REEP3: variants seen among roughly 807,000 people sequenced by gnomAD.
The protein encoded by REEP3 is receptor accessory protein 3.
A neutral mutation model predicts 41.3 loss-of-function variants in REEP3; 20 were observed. The ratio of observed to expected loss-of-function variants is 0.48; its 90% CI spans 0.34 to 0.70. REEP3 has a LOEUF of 0.70. REEP3 is among the 30% of genes least tolerant of loss of function. The pLI is 0.01. For missense variants in REEP3, 271 were observed against 308.8 expected (o/e 0.88, Z 0.92); for synonymous variants, 104 against 101.8 (o/e 1.02, Z -0.13).
At chr10:63,544,803 A>C (rs1447711697) in intron 1 of REEP3, among the ~76,000 whole-genome samples, 2 of 152,242 alleles carry the variant, frequency 1.3e-5, no homozygotes. Flanking sequence ...TTTTAAAGTA[A>C]CATTTGGTAA....
At chr10:63,575,772 T>C (rs1452191954) in intron 2 of REEP3, among the ~76,000 whole-genome samples, 1 of 152,214 alleles carries the variant, frequency 6.6e-6, no homozygotes, top group African/African-American at 2.4e-5. Flanking sequence ...TTGCTCTTGC[T>C]GCCCAGGCTG....
chr10:63,556,670 C>G (rs1424660691), intron 1 of REEP3, among the ~76,000 whole-genome samples: 1 of 109,864 alleles, frequency 9.1e-6, no homozygotes, highest in African/African-American at 3.6e-5. Flanking sequence ...GAGTCTCGCT[C>G]TGTCGCCCAG....
intron 1 of REEP3, among the ~76,000 whole-genome samples, chr10:63,536,204 C>T (rs1157927569): frequency 6.6e-6 from 1 of 152,194 alleles, no homozygotes; most frequent in Non-Finnish European, 1.5e-5. Context: ...GGCAGTTGAG[C>T]TCCGGACATA....
chr10:63,527,555 C>A (rs1955377503), intron 1 of REEP3, among the ~76,000 whole-genome samples: 1 of 151,782 alleles, frequency 6.6e-6, no homozygotes, highest in South Asian at 2.1e-4. Context: ...GTGGTACATG[C>A]CTGTAATCCC....
At chr10:63,529,669 T>C (rs1460725061) in intron 1 of REEP3, among the ~76,000 whole-genome samples, 1 of 152,102 alleles carries the variant, frequency 6.6e-6, no homozygotes, top group Non-Finnish European at 1.5e-5. Context: ...GGTCTTGCCA[T>C]ATTGCCCAGG....
At chr10:63,581,636 A>G (rs1232901382) in intron 2 of REEP3, among the ~76,000 whole-genome samples, 1 of 151,840 alleles carries the variant, frequency 6.6e-6, no homozygotes, top group Non-Finnish European at 1.5e-5. Context: ...CCAGCTACTC[A>G]GGAGGCTGAG....
At chr10:63,522,158 C>T (rs1355846315) in intron 1 of REEP3, among the ~76,000 whole-genome samples, 1 of 152,082 alleles carries the variant, frequency 6.6e-6, no homozygotes, top group African/African-American at 2.4e-5. Context: ...CCGGAGACCG[C>T]TCCCAGCCCA....
intron 1 of REEP3, among the ~76,000 whole-genome samples, chr10:63,539,465 A>G (rs1205828676): frequency 6.6e-6 from 1 of 152,160 alleles, no homozygotes; most frequent in Non-Finnish European, 1.5e-5. Flanking sequence ...TGGTTGATAG[A>G]CCATATATTT....
At chr10:63,593,408 A>T (rs2893927) in intron 2 of REEP3, among the ~76,000 whole-genome samples, 6 of 152,224 alleles carry the variant, frequency 3.9e-5, no homozygotes, top group African/African-American at 1.2e-4. Context: ...CAACCTGGAC[A>T]GAAATCCTAC....
chr10:63,522,229 C>G (rs1035239372), intron 1 of REEP3, among the ~76,000 whole-genome samples: 2 of 151,592 alleles, frequency 1.3e-5, no homozygotes, highest in Non-Finnish European at 2.9e-5. Flanking sequence ...AAGGTGACAC[C>G]GGCTGCTCGC....
Position 63,522,276 on chromosome 10 carries a change from A to G in REEP3, c.32+699A>G, listed in dbSNP as rs569838319. On this transcript the variant is annotated intron_variant, in intron 1 of 7. Transcript: ENST00000373758. The stretch of plus-strand genomic sequence containing the variant: ...AATTCGGCCCTGTCTCGGCGGAAAT[A>G]TTTGCTAAGTGATTGAAAGGCTGCA... Among the ~76,000 whole-genome samples, 9 of 151,626 alleles carry G rather than the reference A, an allele frequency of 5.9e-5. No homozygotes were observed. The East Asian group carries it at 1.6e-3, about 26-fold the overall frequency.
At chr10:63,584,636 T>TC (rs1554806794) in intron 2 of REEP3, among the ~76,000 whole-genome samples, 2 of 151,300 alleles carry the variant, frequency 1.3e-5, no homozygotes, top group African/African-American at 2.4e-5. Flanking sequence ...AATGATGGAG[T>TC]GGGGGGGGAA....
Position 63,619,757 on chromosome 10 carries a change from C to G in REEP3, c.668C>G (p.Ser223Trp), listed in dbSNP as rs371406997. The G allele has an allele frequency of 2.5e-6, 4 of 1,609,776 alleles. No individual in the cohort carries two copies. The highest frequency in any genetic ancestry group is 3.4e-6 in the Non-Finnish European group (4 of 1,178,050). Residue 223 changes from serine (S) to tryptophan (W), a missense_variant, in exon 7 of 8, where the codon TCG becomes TGG. Ser to Trp is a radical substitution (Grantham distance 177, BLOSUM62 -3). Transcript: ENST00000373758. ...EMLTHKGLRR[S>W]QSMKSVKTTK... is the part of the protein sequence containing the mutation. ...TTAACACACAAAGGGCTTCGAAGATCGCAAAGCATGAAATCTGTGAAAACC... is the reference window on the plus strand; with the variant it reads ...TTAACACACAAAGGGCTTCGAAGATGGCAAAGCATGAAATCTGTGAAAACC...
At chr10:63,614,593 C>T (rs2133432767) in intron 6 of REEP3, among the ~76,000 whole-genome samples, 1 of 152,292 alleles carries the variant, frequency 6.6e-6, no homozygotes, top group East Asian at 1.9e-4. Flanking sequence ...GCTGAAGGCT[C>T]CCAGGCCAGT....
chr10:63,561,445 C>T (rs561940804), intron 1 of REEP3, among the ~76,000 whole-genome samples: 11 of 152,124 alleles, frequency 7.2e-5, no homozygotes, highest in East Asian at 1.9e-4. Context: ...ATGAAGCAGA[C>T]GCTCCTGGAT....
At position 63,590,010 on chromosome 10, in the gene REEP3, G is replaced by A. The variant is rs566499596; in HGVS notation, c.106-4768G>A. Among the ~76,000 whole-genome samples, 11 of 152,078 alleles carry A rather than the reference G, an allele frequency of 7.2e-5. No individual in the cohort carries two copies. In the East Asian group the frequency reaches 2.1e-3, roughly 29 times the overall value. On this transcript the variant is annotated intron_variant, in intron 2 of 7. Coordinates refer to ENST00000373758, the MANE Select transcript of REEP3 (RefSeq NM_001001330.3). ...GGGTTTCACCATGTTGGCCAGGCTG[G>A]TCTGGAACTCCTGACCTCAAGTGAT... is the stretch of plus-strand genomic sequence containing the variant.
At chr10:63,524,227 C>T (rs1256299292) in intron 1 of REEP3, among the ~76,000 whole-genome samples, 1 of 152,090 alleles carries the variant, frequency 6.6e-6, no homozygotes, top group Non-Finnish European at 1.5e-5. Flanking sequence ...AACTTGGAAA[C>T]CTTTTTCACA....
intron 2 of REEP3, among the ~76,000 whole-genome samples, chr10:63,575,976 G>A (rs776955544): frequency 3.9e-5 from 6 of 152,146 alleles, no homozygotes; most frequent in Non-Finnish European, 5.9e-5. Context: ...CAGGTGATCC[G>A]CCTGCCTTGG....
chr10:63,559,417 A>G (rs1264309922), intron 1 of REEP3, among the ~76,000 whole-genome samples: 1 of 151,904 alleles, frequency 6.6e-6, no homozygotes, highest in African/African-American at 2.4e-5. Flanking sequence ...CTTTTTTCTT[A>G]TTTTTTTAAA....
Sources: allele counts gnomAD v4.1 joint callset (sites outside exome capture counted in the v4.1 genomes callset), GRCh38; gene constraint gnomAD v4.1.1; transcripts MANE v1.5; gene names NCBI Gene and HGNC (gene_info 2026-07-23, HGNC 2026-07-21).